The following VPS35L variants were observed in gnomAD, a reference collection of about 807,000 sequenced individuals.
VPS35L encodes the protein VPS35 endosomal protein-sorting factor-like.
In VPS35L, 83 loss-of-function variants were observed where a neutral mutation model predicts 133.0. The ratio of observed to expected loss-of-function variants is 0.62; its 90% CI spans 0.52 to 0.75. The LOEUF is 0.75. Among genes scored for constraint, VPS35L ranks in the 30% least tolerant of loss-of-function variants. The probability of loss-of-function intolerance (pLI) is 0.00; values close to 1 mark genes in which losing one functional copy is unlikely to be tolerated. For missense variants in VPS35L, 1,083 were observed against 1,206.8 expected, an observed-to-expected ratio of 0.90 and a Z score of 1.52; for synonymous variants, 423 against 449.9, an observed-to-expected ratio of 0.94 and a Z score of 0.76.
intron 1 of VPS35L, among the ~76,000 whole-genome samples, chr16:19,560,367 C>T (rs530193342): frequency 2.4e-4 from 37 of 152,306 alleles, no homozygotes; most frequent in Non-Finnish European, 5.0e-4. Context: ...CTAGCGTTTG[C>T]TCAGCTGTTG....
chr16:19,597,384 A>C (rs569721227), intron 8 of VPS35L, among the ~76,000 whole-genome samples: 1 of 151,974 alleles, frequency 6.6e-6, no homozygotes, highest in East Asian at 1.9e-4. Flanking sequence ...AAAAAAAAAA[A>C]AGAAAGGAGG....
rs1386563091 is a variant in VPS35L, at chr16:19,569,265, A to G, written c.118-159A>G. The G allele has an allele frequency of 3.4e-5, 28 of 817,982 alleles. No individual in the cohort carries two copies. In the East Asian group the frequency reaches 6.9e-4, roughly 20 times the overall value. The allele number at this position is 817,982 out of a possible 1,614,324, so 50.7% of individuals were successfully genotyped here. ...ACAGTTGTGATCCTGAGTCATGTCC[A>G]TTTGTCACAAAAACTAAGCATCCCC... On this transcript the variant is annotated intron_variant, in intron 2 of 30. Coordinates refer to ENST00000417362, the MANE Select transcript of VPS35L (RefSeq NM_020314.7).
intron 9 of VPS35L, among the ~76,000 whole-genome samples, chr16:19,607,549 A>C (rs1315438357): frequency 6.6e-6 from 1 of 152,228 alleles, no homozygotes; most frequent in Non-Finnish European, 1.5e-5. Context: ...GTAAACTGGC[A>C]GTTTCACAAG....
intron 9 of VPS35L, among the ~76,000 whole-genome samples, chr16:19,602,583 T>C (rs72767567): frequency 0.029 from 4,349 of 152,032 alleles, 82 homozygotes; most frequent in Non-Finnish European, 0.044. Context: ...TTCCTATCTG[T>C]CCATCAATCG....
intron 24 of VPS35L, among the ~76,000 whole-genome samples, chr16:19,648,985 C>CT (rs1258757576): frequency 1.3e-5 from 2 of 150,608 alleles, no homozygotes; most frequent in South Asian, 4.3e-4. Context: ...AAAAATAATA[C>CT]TTTTTTTTCC....
intron 27 of VPS35L, among the ~76,000 whole-genome samples, chr16:19,671,390 AC>A (rs1597418004): frequency 2.0e-5 from 3 of 150,016 alleles, no homozygotes; most frequent in Non-Finnish European, 4.4e-5. Context: ...AATCGCTTGA[AC>A]CCAGGAGGCG....
chr16:19,563,012 A>G (rs1176479614), intron 1 of VPS35L, among the ~76,000 whole-genome samples: 1 of 151,980 alleles, frequency 6.6e-6, no homozygotes, highest in Non-Finnish European at 1.5e-5. Flanking sequence ...CAGTCCACCC[A>G]TCTGTACCTC....
chr16:19,621,771 C>CT, intron 14 of VPS35L, among the ~76,000 whole-genome samples: 1 of 152,324 alleles, frequency 6.6e-6, no homozygotes, highest in African/African-American at 2.4e-5. Context: ...TCCCAAGTTC[C>CT]TTTATGACAA....
chr16:19,612,420 C>G (rs1972754621), intron 12 of VPS35L, among the ~76,000 whole-genome samples: 1 of 151,732 alleles, frequency 6.6e-6, no homozygotes, highest in African/African-American at 2.4e-5. Flanking sequence ...TGCCCAGCTA[C>G]TTTTTGTATT....
At chr16:19,657,684 C>G (rs369731119) in intron 26 of VPS35L, among the ~76,000 whole-genome samples, 52 of 152,274 alleles carry the variant, frequency 3.4e-4, no homozygotes, top group African/African-American at 1.3e-3. Context: ...CTGGCTACCA[C>G]AAACTGTAAT....
Position 19,575,135 on chromosome 16 carries a change from T to A in VPS35L, c.433+13T>A, listed in dbSNP as rs887483647. The A allele has an allele frequency of 1.2e-6, 2 of 1,605,964 alleles. No homozygotes were observed. The highest frequency in any genetic ancestry group is 1.3e-5 in the African/African-American group (1 of 74,776). ...GGATCTGAAAAAGGTAAGATGAGTT[T>A]GTTGTTGTTTTGATGGGAAAATTCT... On this transcript the variant is annotated intron_variant, in intron 5 of 30. Coordinates refer to ENST00000417362, the MANE Select transcript of VPS35L (RefSeq NM_020314.7).
At chr16:19,665,472 T>C (rs1974632284) in intron 26 of VPS35L, among the ~76,000 whole-genome samples, 1 of 152,240 alleles carries the variant, frequency 6.6e-6, no homozygotes, top group Non-Finnish European at 1.5e-5. Context: ...CTTAACATAA[T>C]GCCCTCCAGT....
At chr16:19,588,327 C>T (rs1007866393) in intron 7 of VPS35L, among the ~76,000 whole-genome samples, 8 of 151,610 alleles carry the variant, frequency 5.3e-5, no homozygotes, top group Non-Finnish European at 8.8e-5. Context: ...GCTTGGATTA[C>T]GGGCATCTGC....
intron 9 of VPS35L, among the ~76,000 whole-genome samples, chr16:19,603,135 A>T (rs1567414579): frequency 1.3e-5 from 2 of 152,134 alleles, no homozygotes; most frequent in African/African-American, 4.8e-5. Context: ...GGCTTTTAGG[A>T]TTTTTAGCTC....
chr16:19,691,969 G>T (rs1011123908), intron 29 of VPS35L, among the ~76,000 whole-genome samples: 8 of 151,942 alleles, frequency 5.3e-5, no homozygotes, highest in African/African-American at 1.9e-4. Context: ...CCGCCTCCCG[G>T]GTTCAGGCGA....
rs147972396 is a variant in VPS35L at position 19,657,473 on chromosome 16, T to C, written c.2221+5383T>C. On this transcript the variant is annotated intron_variant, in intron 26 of 30. Transcript: ENST00000417362. ...TTAGGTCAGGTCATCCTGTACGATA[T>C]ATTATCCGCTCACCTGTGCTTTTTC... Among the ~76,000 whole-genome samples, 448 of 152,310 alleles carry C rather than the reference T, an allele frequency of 2.9e-3. 1 individual carries two copies. Among genetic ancestry groups the C allele is most frequent in the African/African-American group, 0.01 (432 of 41,576 alleles).
intron 29 of VPS35L, among the ~76,000 whole-genome samples, chr16:19,693,748 C>T (rs1975790923): frequency 1.3e-5 from 2 of 151,922 alleles, no homozygotes; most frequent in Non-Finnish European, 2.9e-5. Context: ...CATGTCACTG[C>T]ACTCCAGCCT....
Position 19,564,977 on chromosome 16 carries a change from A to G in VPS35L, c.117+27A>G, listed in dbSNP as rs767644712. 10 of 1,495,080 alleles carry G rather than the reference A, an allele frequency of 6.7e-6. No individual in the cohort carries two copies. The African/African-American group carries it at 1.4e-4, about 21-fold the overall frequency. The allele number at this position is 1,495,080 out of a possible 1,614,324, so 92.6% of individuals were successfully genotyped here. A position where few individuals can be genotyped will look rare whatever the true frequency, so the allele number is the denominator to read the frequency against. ...TAAGTTTTGTTAAGGGTCTTTCTGA[A>G]TGATATTCTTATCCCTTGAAATGAA... On this transcript the variant is annotated intron_variant, in intron 2 of 30. Transcript: ENST00000417362.
intron 12 of VPS35L, among the ~76,000 whole-genome samples, chr16:19,613,034 C>T (rs1382700317): frequency 6.6e-6 from 1 of 152,206 alleles, no homozygotes; most frequent in Non-Finnish European, 1.5e-5. Context: ...AGCGCGGTGG[C>T]TCATGCCTGT....
Sources: gnomAD v4.1 joint callset for allele counts (sites outside exome capture counted in the v4.1 genomes callset) on GRCh38, gnomAD v4.1.1 for gene constraint, MANE v1.5 for transcripts, NCBI Gene and HGNC (gene_info 2026-07-23, HGNC 2026-07-21) for gene names.